The following ABTB3 variants were observed in gnomAD, a reference collection of about 807,000 sequenced individuals.
ABTB3 encodes ankyrin repeat- and BTB/POZ domain-containing protein 3.
the ABTB3 span, among the ~76,000 whole-genome samples, chr12:107,368,305 A>G: frequency 6.6e-6 from 1 of 152,238 alleles, no homozygotes; most frequent in Non-Finnish European, 1.5e-5. Flanking sequence ...CAAATAGCAC[A>G]CTGATTTTTA....
At chr12:107,319,122 G>A in the ABTB3 span, 3 of 1,606,590 alleles carry the variant, frequency 1.9e-6, no homozygotes, top group East Asian at 2.2e-5. Context: ...TCCATGCACA[G>A]CCGGCACAAC....
chr12:107,530,796 G>A, the ABTB3 span, among the ~76,000 whole-genome samples: 1 of 152,108 alleles, frequency 6.6e-6, no homozygotes, highest in Non-Finnish European at 1.5e-5. Flanking sequence ...TAAGGTTTGG[G>A]TGCAAATCCT....
chr12:107,359,119 G>A, the ABTB3 span, among the ~76,000 whole-genome samples: 1 of 152,240 alleles, frequency 6.6e-6, no homozygotes, highest in Non-Finnish European at 1.5e-5. Context: ...GCATCTGGAA[G>A]TTGACATTCA....
the ABTB3 span, among the ~76,000 whole-genome samples, chr12:107,350,062 A>C: frequency 1.3e-5 from 2 of 152,236 alleles, no homozygotes; most frequent in African/African-American, 4.8e-5. Context: ...TTTTCCACTG[A>C]GTAATCCAGG....
chr12:107,621,887 C>G, the ABTB3 span, among the ~76,000 whole-genome samples: 1 of 152,192 alleles, frequency 6.6e-6, no homozygotes, highest in African/African-American at 2.4e-5. Context: ...CTGAAGCATA[C>G]AAAATACCCT....
At chr12:107,533,488 CA>C in the ABTB3 span, among the ~76,000 whole-genome samples, 2 of 151,942 alleles carry the variant, frequency 1.3e-5, no homozygotes, top group Non-Finnish European at 2.9e-5. Context: ...TTATTTCAGA[CA>C]AAAATAGACT....
the ABTB3 span, among the ~76,000 whole-genome samples, chr12:107,523,893 G>A: frequency 2.6e-5 from 4 of 152,122 alleles, no homozygotes; most frequent in African/African-American, 9.7e-5. Flanking sequence ...CCCAGAAGAG[G>A]CCCTCACACC....
chr12:107,446,802 T>C, the ABTB3 span, among the ~76,000 whole-genome samples: 1 of 152,228 alleles, frequency 6.6e-6, no homozygotes, highest in Non-Finnish European at 1.5e-5. Flanking sequence ...GCTGTCTTGC[T>C]GGCATGCTGT....
chr12:107,521,932 T>G, the ABTB3 span, among the ~76,000 whole-genome samples: 1 of 152,150 alleles, frequency 6.6e-6, no homozygotes, highest in East Asian at 1.9e-4. Flanking sequence ...CTTAGTCAAC[T>G]TGGGCCACTA....
the ABTB3 span, among the ~76,000 whole-genome samples, chr12:107,399,417 A>G: frequency 6.6e-6 from 1 of 152,152 alleles, no homozygotes; most frequent in African/African-American, 2.4e-5. Context: ...TCCATTGTTC[A>G]AACCTGGCTC....
At chr12:107,656,522 C>T in the ABTB3 span, among the ~76,000 whole-genome samples, 22 of 152,334 alleles carry the variant, frequency 1.4e-4, no homozygotes, top group African/African-American at 5.1e-4. Flanking sequence ...CAGGTGGTGG[C>T]CCACATTTGG....
the ABTB3 span, among the ~76,000 whole-genome samples, chr12:107,451,637 C>T: frequency 6.6e-5 from 10 of 152,110 alleles, no homozygotes; most frequent in African/African-American, 9.7e-5. Context: ...CCTGGTTCCC[C>T]ACCTGTGTCC....
At chr12:107,491,120 C>G in the ABTB3 span, among the ~76,000 whole-genome samples, 2 of 151,244 alleles carry the variant, frequency 1.3e-5, no homozygotes, top group Non-Finnish European at 3.0e-5. Flanking sequence ...CAGCCTGTCT[C>G]CAAGACCAAG....
chr12:107,371,887 A>T, the ABTB3 span, among the ~76,000 whole-genome samples: 2 of 152,150 alleles, frequency 1.3e-5, no homozygotes, highest in African/African-American at 2.4e-5. Flanking sequence ...GGACTTCAGG[A>T]TCCTTCTCAA....
chr12:107,485,568 A>G, the ABTB3 span, among the ~76,000 whole-genome samples: 1 of 152,294 alleles, frequency 6.6e-6, no homozygotes, highest in Admixed American at 6.5e-5. Flanking sequence ...AAGCAATGAA[A>G]ATAGCAGAAG....
At chr12:107,395,802 A>G in the ABTB3 span, among the ~76,000 whole-genome samples, 2 of 152,090 alleles carry the variant, frequency 1.3e-5, no homozygotes, top group African/African-American at 4.8e-5. Context: ...TAAAGTTCCC[A>G]TTTTTGCACA....
chr12:107,342,351 G>C, the ABTB3 span, among the ~76,000 whole-genome samples: 1 of 152,104 alleles, frequency 6.6e-6, no homozygotes, highest in Non-Finnish European at 1.5e-5. Flanking sequence ...GAGAGCTGAG[G>C]TGTAGTTGGC....
the ABTB3 span, among the ~76,000 whole-genome samples, chr12:107,357,000 T>TTG: frequency 6.6e-6 from 1 of 152,110 alleles, no homozygotes; most frequent in Non-Finnish European, 1.5e-5. Context: ...TGATTGAAGG[T>TTG]TAGCTGTAAT....
chr12:107,530,258 A>G, the ABTB3 span, among the ~76,000 whole-genome samples: 1 of 152,216 alleles, frequency 6.6e-6, no homozygotes, highest in Non-Finnish European at 1.5e-5. Context: ...GGGGCTCCAA[A>G]TGATTCTCTT....
Sources: gnomAD v4.1 joint callset for allele counts (sites outside exome capture counted in the v4.1 genomes callset) on GRCh38, gnomAD v4.1.1 for gene constraint, MANE v1.5 for transcripts, NCBI Gene and HGNC (gene_info 2026-07-23, HGNC 2026-07-21) for gene names.